Variants in CNIH3 observed in about 807,000 individuals in gnomAD.
The protein encoded by CNIH3 is cornichon family AMPA receptor auxiliary protein 3.
In CNIH3, 14 loss-of-function variants were observed where a neutral mutation model predicts 24.1. The observed-to-expected ratio is 0.58, with a 90% CI of 0.38 to 0.91. The LOEUF is 0.91. CNIH3 is among the 40% of genes least tolerant of loss of function. The pLI, the probability that CNIH3 is intolerant of heterozygous loss-of-function variation, is 0.00. For synonymous variants in CNIH3, 68 were observed against 73.8 expected, an observed-to-expected ratio of 0.92 and a Z score of 0.40; for missense variants, 178 against 196.8, an observed-to-expected ratio of 0.90 and a Z score of 0.57.
intron 3 of CNIH3, among the ~76,000 whole-genome samples, chr1:224,598,618 T>C (rs1342837189): frequency 2.0e-5 from 3 of 152,138 alleles, no homozygotes; most frequent in Non-Finnish European, 4.4e-5. Context: ...TTTTAGGAAA[T>C]TGACACAGCC....
At chr1:224,500,802 A>G (rs1375557193) in intron 1 of CNIH3, among the ~76,000 whole-genome samples, 1 of 152,156 alleles carries the variant, frequency 6.6e-6, no homozygotes, top group Non-Finnish European at 1.5e-5. Context: ...GGATGTGCTG[A>G]GTGGCTACCT....
At chr1:224,616,056 C>G (rs1364372069), upstream of CNIH3, 1 of 153,538 alleles carries the variant, frequency 6.5e-6, no homozygotes, top group Non-Finnish European at 1.4e-5. Flanking sequence ...AGTCCCTGCT[C>G]CAACCGGTCC....
chr1:224,605,995 C>T (rs553672575), intron 3 of CNIH3, among the ~76,000 whole-genome samples: 11 of 152,272 alleles, frequency 7.2e-5, no homozygotes, highest in East Asian at 3.9e-4. Context: ...GGGGGTGACT[C>T]GTTTACTCAG....
intron 3 of CNIH3, among the ~76,000 whole-genome samples, chr1:224,685,639 A>G (rs539027274): frequency 6.6e-6 from 1 of 152,388 alleles, no homozygotes; most frequent in East Asian, 1.9e-4. Context: ...TTTGAGCCTT[A>G]CATGAATAGG....
At chr1:224,569,382 GC>G (rs1009428692) in intron 4 of CNIH3, among the ~76,000 whole-genome samples, 2 of 152,108 alleles carry the variant, frequency 1.3e-5, no homozygotes, top group African/African-American at 4.8e-5. Context: ...ATTATATGGC[GC>G]TAGAGCATAT....
At chr1:224,692,176 T>A (rs1025864438) in intron 3 of CNIH3, among the ~76,000 whole-genome samples, 5 of 152,018 alleles carry the variant, frequency 3.3e-5, no homozygotes, top group African/African-American at 2.4e-5. Flanking sequence ...GTGGTGCACA[T>A]CTGTAGTCCC....
At chr1:224,513,345 G>C (rs997943979), upstream of CNIH3, among the ~76,000 whole-genome samples, 4 of 136,152 alleles carry the variant, frequency 2.9e-5, no homozygotes, top group Non-Finnish European at 4.9e-5. Flanking sequence ...TAGAGTTGGG[G>C]GTGGGGGTGG....
chr1:224,635,607 C>T (rs1000145491), intron 1 of CNIH3, among the ~76,000 whole-genome samples: 1 of 152,204 alleles, frequency 6.6e-6, no homozygotes, highest in Non-Finnish European at 1.5e-5. Context: ...GAGCCGGCCT[C>T]GGCCTTGGAC....
chr1:224,654,041 A>G (rs1480680358), intron 1 of CNIH3, among the ~76,000 whole-genome samples: 2 of 151,586 alleles, frequency 1.3e-5, no homozygotes, highest in Non-Finnish European at 2.9e-5. Context: ...TGATTGTGCC[A>G]CTGTGCTCCA....
intron 3 of CNIH3, among the ~76,000 whole-genome samples, chr1:224,699,152 C>G (rs1687339230): frequency 6.6e-6 from 1 of 152,230 alleles, no homozygotes; most frequent in Non-Finnish European, 1.5e-5. Context: ...CCTGGACATT[C>G]CCGGGCATAA....
intron 4 of CNIH3, among the ~76,000 whole-genome samples, chr1:224,582,654 A>T (rs1051019898): frequency 2.0e-5 from 3 of 152,150 alleles, no homozygotes; most frequent in African/African-American, 7.2e-5. Flanking sequence ...AGCCTGTTGA[A>T]ATCAGCGTGG....
At chr1:224,475,239 C>T (rs1676536090) in intron 1 of CNIH3, among the ~76,000 whole-genome samples, 2 of 150,682 alleles carry the variant, frequency 1.3e-5, no homozygotes, top group Non-Finnish European at 3.0e-5. Context: ...GCCTGTAGTC[C>T]CAGCTACTCG....
intron 2 of CNIH3, among the ~76,000 whole-genome samples, chr1:224,522,834 T>C (rs1358836110): frequency 6.6e-6 from 1 of 152,164 alleles, no homozygotes; most frequent in East Asian, 1.9e-4. Flanking sequence ...CCCACATACT[T>C]TGGAAAACAG....
chr1:224,594,102 G>A (rs1681875603), intron 3 of CNIH3, among the ~76,000 whole-genome samples: 1 of 152,210 alleles, frequency 6.6e-6, no homozygotes, highest in Non-Finnish European at 1.5e-5. Flanking sequence ...CAGTGTAAGT[G>A]TAATTAATGC....
intron 5 of CNIH3, among the ~76,000 whole-genome samples, chr1:224,584,341 G>A (rs886803725): frequency 7.2e-5 from 11 of 152,110 alleles, no homozygotes; most frequent in Non-Finnish European, 1.3e-4. Context: ...TTAGAATAAC[G>A]GTAGACTTAA....
chr1:224,436,585 C>T (rs931680890), intron 1 of CNIH3, among the ~76,000 whole-genome samples: 1 of 152,144 alleles, frequency 6.6e-6, no homozygotes, highest in African/African-American at 2.4e-5. Flanking sequence ...TTTAGGTAAC[C>T]AACACTGCTC....
intron 1 of CNIH3, among the ~76,000 whole-genome samples, chr1:224,639,727 T>G (rs1157152513): frequency 6.6e-6 from 1 of 152,214 alleles, no homozygotes; most frequent in Non-Finnish European, 1.5e-5. Context: ...TCTAAATTTC[T>G]TCCTGAGGGC....
chr1:224,468,646 T>C (rs1676242286), intron 1 of CNIH3, among the ~76,000 whole-genome samples: 1 of 152,200 alleles, frequency 6.6e-6, no homozygotes. Context: ...ATTGTTTTTC[T>C]TTCTTTATTG....
intron 1 of CNIH3, among the ~76,000 whole-genome samples, chr1:224,467,314 C>T (rs1032774746): frequency 1.2e-4 from 18 of 152,184 alleles, no homozygotes; most frequent in Admixed American, 6.5e-5. Flanking sequence ...TGAATACAGG[C>T]GTGAGCCACT....
Sources: allele counts gnomAD v4.1 joint callset (sites outside exome capture counted in the v4.1 genomes callset), GRCh38; gene constraint gnomAD v4.1.1; transcripts MANE v1.5; gene names NCBI Gene and HGNC (gene_info 2026-07-23, HGNC 2026-07-21).